Variants in MEGF11 observed in about 807,000 individuals in gnomAD.
MEGF11 encodes multiple epidermal growth factor-like domains protein 11.
In MEGF11, 126 loss-of-function variants were observed where a neutral mutation model predicts 146.6. The ratio of observed to expected loss-of-function variants is 0.86; its 90% confidence interval spans 0.74 to 1.00. The LOEUF is 1.00. Among genes scored for constraint, MEGF11 ranks in the 50% least tolerant of loss-of-function variants. The probability of loss-of-function intolerance (pLI) is 0.00; values close to 1 mark genes in which losing one functional copy is unlikely to be tolerated. For missense variants in MEGF11, 1,509 were observed against 1,521.2 expected, an observed-to-expected ratio of 0.99 and a Z score of 0.13; for synonymous variants, 532 against 583.4, an observed-to-expected ratio of 0.91 and a Z score of 1.27.
intron 1 of MEGF11, among the ~76,000 whole-genome samples, chr15:66,237,334 C>T (rs1459612200): frequency 6.6e-6 from 1 of 151,380 alleles, no homozygotes; most frequent in Non-Finnish European, 1.5e-5. Flanking sequence ...CTCCCCCCAA[C>T]AAAAGACCAC....
intron 2 of MEGF11, among the ~76,000 whole-genome samples, 185 bp downstream of exon 2, chr15:66,128,121 A>C (rs942361712): frequency 1.3e-5 from 2 of 152,160 alleles, no homozygotes; most frequent in Non-Finnish European, 2.9e-5. Context: ...AGTTGCCTCC[A>C]CCCTGACCTT....
chr15:66,224,503 G>A (rs2140174337), intron 1 of MEGF11, among the ~76,000 whole-genome samples: 1 of 151,812 alleles, frequency 6.6e-6, no homozygotes, highest in Non-Finnish European at 1.5e-5. Flanking sequence ...AGAATCACTT[G>A]AACCCGGGAG....
intron 5 of MEGF11, among the ~76,000 whole-genome samples, chr15:66,076,922 C>G (rs1040108150): frequency 2.0e-5 from 3 of 152,208 alleles, no homozygotes; most frequent in African/African-American, 7.2e-5. Context: ...CTGGCTGGGG[C>G]TCCAAGGGCA....
At chr15:66,073,938 C>T (rs1010553704) in intron 5 of MEGF11, among the ~76,000 whole-genome samples, 2 of 152,196 alleles carry the variant, frequency 1.3e-5, no homozygotes, top group Non-Finnish European at 2.9e-5. Flanking sequence ...GTGTCAAAGG[C>T]CTTTTTCTTT....
intron 5 of MEGF11, among the ~76,000 whole-genome samples, chr15:66,093,185 T>G (rs1344063590): frequency 6.6e-6 from 1 of 152,154 alleles, no homozygotes; most frequent in Non-Finnish European, 1.5e-5. Context: ...GATCATGGAC[T>G]CCCTGAGCTA....
At chr15:66,199,130 A>G (rs2091086326) in intron 1 of MEGF11, among the ~76,000 whole-genome samples, 1 of 152,162 alleles carries the variant, frequency 6.6e-6, no homozygotes, top group African/African-American at 2.4e-5. Context: ...TGTGGCATGC[A>G]AGGGAAAAAA....
intron 5 of MEGF11, among the ~76,000 whole-genome samples, chr15:66,080,114 C>A (rs1490830218): frequency 1.3e-5 from 2 of 152,174 alleles, no homozygotes; most frequent in African/African-American, 2.4e-5. Flanking sequence ...GGCCGGCAGA[C>A]CCAGGTTCTT....
At chr15:66,009,593 GTTT>G (rs757140653) in intron 5 of MEGF11, among the ~76,000 whole-genome samples, 2 of 59,308 alleles carry the variant, frequency 3.4e-5, no homozygotes, top group Non-Finnish European at 4.5e-5. Context: ...GTCACATATG[GTTT>G]TTTTTTTTTT....
chr15:66,111,592 G>C (rs949826439), intron 4 of MEGF11, among the ~76,000 whole-genome samples: 2 of 152,222 alleles, frequency 1.3e-5, no homozygotes, highest in Non-Finnish European at 2.9e-5. Flanking sequence ...CTGGGAGCCA[G>C]GGACTTCATA....
intron 2 of MEGF11, among the ~76,000 whole-genome samples, chr15:66,127,251 G>C (rs773766668): frequency 6.6e-6 from 1 of 152,194 alleles, no homozygotes; most frequent in Non-Finnish European, 1.5e-5. Flanking sequence ...CACCAAAAAG[G>C]GACACACCAC....
chr15:65,984,165 C>CTATATT (rs1267849127), intron 5 of MEGF11, among the ~76,000 whole-genome samples: 3 of 152,184 alleles, frequency 2.0e-5, no homozygotes, highest in African/African-American at 7.2e-5. Context: ...TATTTTCCAC[C>CTATATT]TGCTATTACA....
chr15:65,983,596 C>T (rs1254570026), intron 5 of MEGF11, among the ~76,000 whole-genome samples: 3 of 152,302 alleles, frequency 2.0e-5, no homozygotes, highest in Non-Finnish European at 4.4e-5. Flanking sequence ...GAAGCCATCT[C>T]AAGTGGGCTG....
chr15:66,099,340 G>A (rs1227302263), intron 4 of MEGF11, among the ~76,000 whole-genome samples: 1 of 151,332 alleles, frequency 6.6e-6, no homozygotes, highest in East Asian at 2.0e-4. Flanking sequence ...GCGCCACCAA[G>A]CCCGGCTAAT....
chr15:66,182,441 G>A (rs974059245), intron 1 of MEGF11, among the ~76,000 whole-genome samples: 5 of 152,156 alleles, frequency 3.3e-5, no homozygotes, highest in African/African-American at 9.7e-5. Flanking sequence ...ATCATTACCT[G>A]ATCTATAAAT....
In MEGF11 at chr15:65,982,399, C is replaced by A; in HGVS notation, c.484G>T (p.Val162Leu). The A allele has an allele frequency of 1.3e-6, 2 of 1,533,058 alleles. No individual in the cohort carries two copies. 95.0% of individuals were successfully genotyped at this position (1,533,058 alleles called of 1,614,324 possible). A position where few individuals can be genotyped will look rare whatever the true frequency, so the allele number is the denominator to read the frequency against. ...ALCNPITGACVCAAGFRGWRC... is the reference protein window; with the variant it reads ...ALCNPITGACLCAAGFRGWRC... ...CATCCACGGAAGCCGGCGGCGCACA[C>A]GCAGGCGCCTGTGATGGGGTTACAC... Residue 162 changes from valine to leucine, a missense_variant, in exon 6 of 26, where the codon GTG becomes TTG. Physicochemically the swap from Val to Leu is conservative, Grantham distance 32 (BLOSUM62 1). Coordinates refer to ENST00000395614, the MANE Select transcript of MEGF11 (RefSeq NM_001385028.1). This position sits in a 1 kb window ranked among gnomAD's most constrained non-coding sequence, Gnocchi z 5.6.
chr15:66,251,834 C>T (rs1290138679), intron 1 of MEGF11, among the ~76,000 whole-genome samples: 10 of 152,188 alleles, frequency 6.6e-5, no homozygotes, highest in African/African-American at 2.4e-4. Flanking sequence ...AGATTGCAGT[C>T]CTAGACCTCG....
At chr15:66,026,364 G>A (rs1317365408) in intron 5 of MEGF11, among the ~76,000 whole-genome samples, 2 of 152,220 alleles carry the variant, frequency 1.3e-5, no homozygotes, top group Non-Finnish European at 2.9e-5. Flanking sequence ...AAGGGACCAC[G>A]GCTTTATCAT....
At chr15:66,230,161 G>A (rs2091940210) in intron 1 of MEGF11, among the ~76,000 whole-genome samples, 1 of 152,188 alleles carries the variant, frequency 6.6e-6, no homozygotes, top group South Asian at 2.1e-4. Flanking sequence ...TCACAAACTA[G>A]CTGGGTAGAG....
At chr15:66,002,101 A>C (rs1232043541) in intron 5 of MEGF11, among the ~76,000 whole-genome samples, 1 of 151,958 alleles carries the variant, frequency 6.6e-6, no homozygotes, top group Admixed American at 6.5e-5. Context: ...TTTTCGACTC[A>C]GTGTAAAAGT....
Sources: gnomAD v4.1 joint callset for allele counts (sites outside exome capture counted in the v4.1 genomes callset) on GRCh38, gnomAD v4.1.1 for gene constraint, Gnocchi (gnomAD v3.1) non-coding constraint, MANE v1.5 for transcripts, NCBI Gene and HGNC (gene_info 2026-07-23, HGNC 2026-07-21) for gene names.